CTNNA3: variants seen among roughly 807,000 people sequenced by gnomAD.
The protein encoded by CTNNA3 is catenin alpha 3.
Under a neutral mutation model 95.7 loss-of-function variants are expected in CTNNA3, and 76 were observed. That is an observed-to-expected ratio of 0.79 (90% CI 0.66 to 0.96). The LOEUF (loss-of-function observed/expected upper bound fraction) is 0.96. Among genes scored for constraint, CTNNA3 ranks in the 40% least tolerant of loss-of-function variants. CTNNA3 has a pLI of 0.00. For synonymous variants in CTNNA3, 431 were observed against 374.4 expected, an observed-to-expected ratio of 1.15 and a Z score of -1.74; for missense variants, 1,191 against 1,089.8, an observed-to-expected ratio of 1.09 and a Z score of -1.31.
chr10:67,672,351 C>T (rs1366999643), intron 1 of CTNNA3, among the ~76,000 whole-genome samples: 2 of 152,128 alleles, frequency 1.3e-5, no homozygotes, highest in Non-Finnish European at 2.9e-5. Flanking sequence ...TGTGCAGAAG[C>T]TCTTGAGTTT....
chr10:66,565,541 C>T (rs2132146934), intron 10 of CTNNA3, among the ~76,000 whole-genome samples: 1 of 152,210 alleles, frequency 6.6e-6, no homozygotes, highest in African/African-American at 2.4e-5. Flanking sequence ...CAGACTTTTA[C>T]CGAACATCAA....
chr10:66,809,668 G>T (rs773128967), intron 7 of CTNNA3, among the ~76,000 whole-genome samples: 1 of 152,110 alleles, frequency 6.6e-6, no homozygotes, highest in African/African-American at 2.4e-5. Flanking sequence ...CTTGATTTGT[G>T]TCTTATATTA....
chr10:67,437,616 T>C (rs1846347115), intron 5 of CTNNA3, among the ~76,000 whole-genome samples: 1 of 152,108 alleles, frequency 6.6e-6, no homozygotes, highest in Non-Finnish European at 1.5e-5. Flanking sequence ...AGTTGTAATA[T>C]AAATTAGTAA....
chr10:66,153,949 C>T (rs2133912369), intron 13 of CTNNA3, among the ~76,000 whole-genome samples: 1 of 151,392 alleles, frequency 6.6e-6, no homozygotes, highest in South Asian at 2.1e-4. Context: ...GCGGGCTGGA[C>T]CATTTGAAAC....
intron 14 of CTNNA3, among the ~76,000 whole-genome samples, chr10:66,071,617 T>G (rs1023624702): frequency 2.0e-5 from 3 of 152,176 alleles, no homozygotes; most frequent in Admixed American, 2.0e-4. Context: ...ACATTCTCCA[T>G]GATGGTATTT....
chr10:66,356,117 G>GTTTTTTTTTTT (rs1275052192), intron 12 of CTNNA3, among the ~76,000 whole-genome samples: 5 of 104,712 alleles, frequency 4.8e-5, no homozygotes, highest in African/African-American at 1.5e-4. Flanking sequence ...TTGTTTGCTT[G>GTTTTTTTTTTT]TTTTGTTTTT....
chr10:66,199,606 G>GTTTT (rs1041575972), intron 13 of CTNNA3, among the ~76,000 whole-genome samples: 1 of 149,994 alleles, frequency 6.7e-6, no homozygotes, highest in Non-Finnish European at 1.5e-5. Flanking sequence ...TTGTTTGTTT[G>GTTTT]TTTTTTTGTT....
intron 17 of CTNNA3, among the ~76,000 whole-genome samples, chr10:65,956,102 C>T (rs1041441760): frequency 1.3e-5 from 2 of 152,068 alleles, no homozygotes; most frequent in African/African-American, 2.4e-5. Context: ...CAACTTCTTC[C>T]TGGTTTAGTC....
chr10:65,982,934 A>AT (rs1400168550), intron 16 of CTNNA3, among the ~76,000 whole-genome samples: 1 of 151,472 alleles, frequency 6.6e-6, no homozygotes, highest in African/African-American at 2.4e-5. Flanking sequence ...CATTGAAATA[A>AT]TTTTTTTGCC....
At chr10:66,096,045 C>T (rs1050310423) in intron 14 of CTNNA3, among the ~76,000 whole-genome samples, 3 of 152,054 alleles carry the variant, frequency 2.0e-5, no homozygotes, top group Non-Finnish European at 2.9e-5. Flanking sequence ...ATAACCTGGT[C>T]ACAATGAAAT....
At chr10:67,584,054 T>C (rs1195696338) in intron 3 of CTNNA3, among the ~76,000 whole-genome samples, 1 of 152,136 alleles carries the variant, frequency 6.6e-6, no homozygotes, top group African/African-American at 2.4e-5. Flanking sequence ...ATCTGAAGCC[T>C]TTTTCTCTCA....
chr10:66,338,860 T>A (rs887572575), intron 12 of CTNNA3, among the ~76,000 whole-genome samples: 1 of 151,888 alleles, frequency 6.6e-6, no homozygotes, highest in African/African-American at 2.4e-5. Context: ...GAAATTATCT[T>A]AACTACAGAA....
chr10:67,020,644 G>A (rs865880273), intron 7 of CTNNA3, among the ~76,000 whole-genome samples: 1 of 152,104 alleles, frequency 6.6e-6, no homozygotes, highest in Non-Finnish European at 1.5e-5. Flanking sequence ...TTACTTCAAC[G>A]AACTTAAAAT....
At chr10:67,654,945 TTAAA>T (rs1375666881) in intron 1 of CTNNA3, among the ~76,000 whole-genome samples, 4 of 152,206 alleles carry the variant, frequency 2.6e-5, no homozygotes, top group African/African-American at 9.6e-5. Context: ...TAATTAAAGG[TTAAA>T]TAGTCGAAAA....
intron 16 of CTNNA3, among the ~76,000 whole-genome samples, chr10:65,976,202 T>C (rs1792536142): frequency 6.6e-6 from 1 of 152,160 alleles, no homozygotes; most frequent in South Asian, 2.1e-4. Flanking sequence ...TTTTTGTAAA[T>C]ATTAAATTGT....
chr10:66,356,617 T>C (rs2092612856), intron 12 of CTNNA3, among the ~76,000 whole-genome samples: 1 of 152,042 alleles, frequency 6.6e-6, no homozygotes, highest in South Asian at 2.1e-4. Flanking sequence ...TTTTGCCTTA[T>C]TGCACTGACT....
intron 17 of CTNNA3, among the ~76,000 whole-genome samples, chr10:65,939,447 G>C (rs1362195176): frequency 6.6e-6 from 1 of 152,140 alleles, no homozygotes; most frequent in Non-Finnish European, 1.5e-5. Flanking sequence ...TCAGTGACTA[G>C]ATTTCTGTCT....
At chr10:67,452,501 T>C (rs1178562118) in intron 5 of CTNNA3, among the ~76,000 whole-genome samples, 1 of 152,220 alleles carries the variant, frequency 6.6e-6, no homozygotes, top group Non-Finnish European at 1.5e-5. Context: ...AGATATTAAA[T>C]TTCAAAGTAC....
intron 9 of CTNNA3, among the ~76,000 whole-genome samples, chr10:66,718,599 TATA>T (rs1848528616): frequency 6.7e-6 from 1 of 150,160 alleles, no homozygotes; most frequent in African/African-American, 2.4e-5. Flanking sequence ...TAAATAAATT[TATA>T]ATAAAACTGT....
Sources: gnomAD v4.1 joint callset for allele counts (sites outside exome capture counted in the v4.1 genomes callset) on GRCh38, gnomAD v4.1.1 for gene constraint, MANE v1.5 for transcripts, NCBI Gene and HGNC (gene_info 2026-07-23, HGNC 2026-07-21) for gene names.